Variants in ANKRD55 observed in about 807,000 individuals in gnomAD.
ANKRD55 encodes ankyrin repeat domain 55.
Under a neutral mutation model 60.6 loss-of-function variants are expected in ANKRD55, and 41 were observed. The ratio of observed to expected loss-of-function variants is 0.68; its 90% CI spans 0.53 to 0.88. The LOEUF (loss-of-function observed/expected upper bound fraction) is 0.88, where lower values mean the gene tolerates loss of function less well. Ranked by LOEUF, ANKRD55 falls within the 40% of genes least tolerant of loss-of-function variation. The probability of loss-of-function intolerance (pLI) is 0.00; values close to 1 mark genes in which losing one functional copy is unlikely to be tolerated. For synonymous variants in ANKRD55, 264 were observed against 290.3 expected, an observed-to-expected ratio of 0.91 and a Z score of 0.92; for missense variants, 732 against 767.6, an observed-to-expected ratio of 0.95 and a Z score of 0.55.
In ANKRD55 at chr5:56,206,115, A is replaced by G. The variant is rs1432600384; in HGVS notation, c.59-22481T>C. Among the ~76,000 whole-genome samples, 4 of 151,874 alleles carry G rather than the reference A, an allele frequency of 2.6e-5. No individual in the cohort carries two copies. The East Asian group carries it at 7.7e-4, about 29-fold the overall frequency. On this transcript the variant is annotated intron_variant, in intron 2 of 11. Transcript: ENST00000341048. ...CTCAGCCTCCCGAGTAGCTGGGACT[A>G]CAGATGTGCACCACCACGACTGGTT...
chr5:56,167,052 A>T (rs1467591936), intron 5 of ANKRD55, among the ~76,000 whole-genome samples: 1 of 152,260 alleles, frequency 6.6e-6, no homozygotes. Context: ...TAAAATATGT[A>T]ATTTTAACAA....
chr5:56,156,179 C>G (rs568171781), intron 6 of ANKRD55, among the ~76,000 whole-genome samples: 3 of 152,256 alleles, frequency 2.0e-5, no homozygotes, highest in African/African-American at 4.8e-5. Context: ...GGATTCCAGA[C>G]AGCAGGCTGT....
intron 2 of ANKRD55, among the ~76,000 whole-genome samples, chr5:56,222,328 A>G (rs574060329): frequency 3.3e-5 from 5 of 152,330 alleles, no homozygotes; most frequent in South Asian, 4.1e-4. Context: ...GGACATCCAC[A>G]CCAAAACCCC....
At chr5:56,131,878 A>G (rs1213129027) in intron 7 of ANKRD55, among the ~76,000 whole-genome samples, 1 of 151,330 alleles carries the variant, frequency 6.6e-6, no homozygotes, top group African/African-American at 2.4e-5. Context: ...TGATTTACGT[A>G]AAGAAAAGAA....
intron 7 of ANKRD55, 79 bp from the exon 8 acceptor site, chr5:56,127,185 C>G: frequency 1.5e-6 from 2 of 1,292,392 alleles, no homozygotes; most frequent in Non-Finnish European, 2.0e-6. Context: ...GATAAAAATA[C>G]AAAGGAAAAA....
intron 5 of ANKRD55, among the ~76,000 whole-genome samples, chr5:56,162,833 C>T (rs916322746): frequency 6.6e-6 from 1 of 152,006 alleles, no homozygotes; most frequent in Non-Finnish European, 1.5e-5. Context: ...ACCATCACGC[C>T]CAACTAATTT....
chr5:56,208,082 T>C (rs552071140), intron 2 of ANKRD55, among the ~76,000 whole-genome samples: 1 of 152,154 alleles, frequency 6.6e-6, no homozygotes, highest in Non-Finnish European at 1.5e-5. Context: ...AATATTTTCA[T>C]TAAAAACTAA....
At chr5:56,192,500 G>A (rs1296713569) in intron 2 of ANKRD55, 3 of 260,644 alleles carry the variant, frequency 1.2e-5, no homozygotes, top group East Asian at 8.4e-5. Context: ...TGCCCCCCAG[G>A]AGGGGCAAGA....
chr5:56,111,268 A>C lies in ANKRD55; in HGVS notation c.1480T>G (p.Trp494Gly). The C allele has an allele frequency of 1.9e-6, 3 of 1,614,200 alleles. No homozygotes were observed. Among genetic ancestry groups the C allele is most frequent in the Non-Finnish European group, 2.5e-6 (3 of 1,180,030 alleles). The change falls in exon 10 of 12, where the codon TGG (tryptophan) becomes GGG (glycine). Residue 494 changes from tryptophan to glycine, a missense_variant. This residue lies in a region of ANKRD55 where 597 missense variants were observed against 607.5 expected (regional missense o/e 0.98). Transcript: ENST00000341048. Reference sequence around the variant, plus strand: ...AATACCTGATTAGAATCACTCTTCCAGGGGTTATCTAGTAACATCTGGCAG... The same window carrying C: ...AATACCTGATTAGAATCACTCTTCCCGGGGTTATCTAGTAACATCTGGCAG... ...TGCQMLLDNPWKSDSNQVFSY... is the reference protein window; with the variant it reads ...TGCQMLLDNPGKSDSNQVFSY...
intron 8 of ANKRD55, among the ~76,000 whole-genome samples, chr5:56,124,539 G>T (rs184532216): frequency 6.6e-6 from 1 of 151,628 alleles, no homozygotes; most frequent in Non-Finnish European, 1.5e-5. Context: ...ACGGAGTCTC[G>T]CTCTGTCATC....
intron 5 of ANKRD55, among the ~76,000 whole-genome samples, chr5:56,167,205 T>C (rs1222691829): frequency 6.6e-6 from 1 of 152,220 alleles, no homozygotes; most frequent in Non-Finnish European, 1.5e-5. Flanking sequence ...GTGGACATCA[T>C]AGAGTGTATT....
intron 2 of ANKRD55, among the ~76,000 whole-genome samples, chr5:56,192,122 T>G (rs1581012423): frequency 9.0e-6 from 1 of 111,106 alleles, no homozygotes; most frequent in Non-Finnish European, 1.7e-5. Context: ...TGCTCCTCTC[T>G]CTCTCTCTCT....
intron 10 of ANKRD55, 165 bp downstream of exon 10, chr5:56,110,953 A>T: frequency 1.3e-6 from 1 of 755,896 alleles, no homozygotes; most frequent in Non-Finnish European, 2.1e-6. Flanking sequence ...CACAGCTCAG[A>T]AATCTCAAAT....
In ANKRD55 at chr5:56,170,724, A is replaced by G. The variant is rs1206645199; in HGVS notation, c.392T>C (p.Leu131Pro). 1 of 1,614,192 alleles carries G rather than the reference A, an allele frequency of 6.2e-7. No homozygotes were observed. Among genetic ancestry groups the G allele is most frequent in the African/African-American group, 1.3e-5 (1 of 75,054 alleles). ...NIPDKNGRLP[L>P]HAATAEPDMR... ...ATCGGGCTCAGCAGTGGCAGCATGC[A>G]GTGGCAGGCGGCCATTTTTATCTGG... The change falls in exon 5 of 12, where the codon CTG becomes CCG. Residue 131 changes from leucine (L) to proline (P), a missense_variant. By Grantham distance (98) the Leu-to-Pro change is moderately conservative. Coordinates refer to ENST00000341048, the MANE Select transcript of ANKRD55 (RefSeq NM_024669.3).
At chr5:56,174,233 G>A (rs897924173) in intron 4 of ANKRD55, among the ~76,000 whole-genome samples, 3 of 152,272 alleles carry the variant, frequency 2.0e-5, no homozygotes, top group Non-Finnish European at 2.9e-5. Context: ...ATTATTCACC[G>A]TGATTTAGAG....
intron 10 of ANKRD55, among the ~76,000 whole-genome samples, chr5:56,103,754 C>T (rs929639885): frequency 5.3e-5 from 8 of 152,304 alleles, no homozygotes; most frequent in Middle Eastern, 3.4e-3. Flanking sequence ...TTTTGCCTAT[C>T]AGTCTAGTAA....
In ANKRD55 at chr5:56,205,604, T is replaced by C. The variant is rs116938266; in HGVS notation, c.59-21970A>G. Among the ~76,000 whole-genome samples, 23 of 152,272 alleles carry C rather than the reference T, an allele frequency of 1.5e-4. No individual in the cohort carries two copies. The East Asian group carries it at 4.4e-3, about 29-fold the overall frequency. Reference sequence around the variant, plus strand: ...TCTAAGTTTCCTTTCATGATTGATATTCTGCATGTCTAGCTAGCATCTGTG... The same window carrying C: ...TCTAAGTTTCCTTTCATGATTGATACTCTGCATGTCTAGCTAGCATCTGTG... On this transcript the variant is annotated intron_variant, in intron 2 of 11. Transcript: ENST00000341048.
chr5:56,190,808 A>G (rs1759076920), intron 2 of ANKRD55, among the ~76,000 whole-genome samples: 1 of 152,210 alleles, frequency 6.6e-6, no homozygotes, highest in Admixed American at 6.5e-5. Context: ...CCATGCCAGA[A>G]GATATCTAAC....
Position 56,143,907 on chromosome 5 carries a change from G to A in ANKRD55, c.506C>T (p.Ala169Val), listed in dbSNP as rs757537830. 3.5e-5 allele frequency: 56 copies of A among 1,613,946 alleles called. No homozygotes were observed. The South Asian group carries it at 5.2e-4, about 15-fold the overall frequency. The part of the protein sequence containing the change: ...DNEGMTPLHW[A>V]AFHNQPQHTQ... ...GTGTTGAGGCTGGTTGTGGAAAGCC[G>A]CCCAGTGGAGTGGTGTCATTCCCTG... The change falls in exon 7 of 12, where the codon GCG (alanine) becomes GTG (valine). Residue 169 changes from alanine to valine, a missense_variant. By Grantham distance (64) the Ala-to-Val change is moderately conservative. Around this residue, in one of 3 missense-constraint regions of ANKRD55, gnomAD observed 597 missense variants for 607.5 expected, o/e 0.98. Coordinates refer to ENST00000341048, the MANE Select transcript of ANKRD55 (RefSeq NM_024669.3).
Sources: allele counts gnomAD v4.1 joint callset (sites outside exome capture counted in the v4.1 genomes callset), GRCh38; gene constraint gnomAD v4.1.1; regional missense constraint gnomAD v4.1.1; transcripts MANE v1.5; gene names NCBI Gene and HGNC (gene_info 2026-07-23, HGNC 2026-07-21).